Variants in IGF1R observed in about 807,000 individuals in gnomAD.
The protein encoded by IGF1R is insulin like growth factor 1 receptor, also known as insulin-like growth factor 1 receptor.
A neutral mutation model predicts 144.6 loss-of-function variants in IGF1R; 44 were observed. That is an observed-to-expected ratio of 0.30 (90% CI 0.24 to 0.39). The LOEUF (loss-of-function observed/expected upper bound fraction) is 0.39. Among genes scored for constraint, IGF1R ranks in the 10% least tolerant of loss-of-function variants. The pLI, the probability that IGF1R is intolerant of heterozygous loss-of-function variation, is 1.00. For missense variants in IGF1R, 1,355 were observed against 1,833.7 expected, an observed-to-expected ratio of 0.74 and a Z score of 4.77; for synonymous variants, 795 against 722.8, an observed-to-expected ratio of 1.10 and a Z score of -1.60.
At chr15:98,781,393 C>T (rs2055857961) in intron 2 of IGF1R, among the ~76,000 whole-genome samples, 1 of 152,010 alleles carries the variant, frequency 6.6e-6, no homozygotes, top group Non-Finnish European at 1.5e-5. Context: ...AATAAATGTC[C>T]CTCCAAATTA....
chr15:98,842,842 A>T (rs907051312), intron 2 of IGF1R, among the ~76,000 whole-genome samples: 1 of 152,224 alleles, frequency 6.6e-6, no homozygotes, highest in African/African-American at 2.4e-5. Context: ...CAACATGGAA[A>T]TCTAGCCATG....
chr15:98,772,476 A>AATT (rs147636909), intron 2 of IGF1R, among the ~76,000 whole-genome samples: 1,235 of 62,508 alleles, frequency 0.02, 20 homozygotes, highest in African/African-American at 0.047. Context: ...GTCACTTAAA[A>AATT]ATTATTATTA....
chr15:98,758,010 A>G (rs2055197186), intron 2 of IGF1R, among the ~76,000 whole-genome samples: 2 of 152,134 alleles, frequency 1.3e-5, no homozygotes, highest in Non-Finnish European at 2.9e-5. Flanking sequence ...TTCTTCCACC[A>G]GGGTTTGCAT....
At chr15:98,768,181 T>G (rs1048164071) in intron 2 of IGF1R, among the ~76,000 whole-genome samples, 1 of 152,172 alleles carries the variant, frequency 6.6e-6, no homozygotes, top group South Asian at 2.1e-4. Context: ...TTGGATGAGC[T>G]TGTGTGTTCA....
rs2017323776 is a variant in IGF1R, at chr15:98,963,865, C to G, written c.*6423C>G. ...AAAGTTGACTCCACTTCCTCTAACT[C>G]CAGTGGATTGTTGGCCATGTCTCCC... On this transcript the variant is annotated 3_prime_UTR_variant, in exon 21 of 21. Transcript: ENST00000650285. The G allele has an allele frequency of 4.3e-6, 1 of 233,054 alleles. No individual in the cohort carries two copies. The allele number at this position is 233,054 out of a possible 1,614,324, so 14.4% of individuals were successfully genotyped here.
Position 98,891,247 on chromosome 15 carries a change from GA to G in IGF1R, c.641-76del. 1 of 1,382,076 alleles carries G rather than the reference GA, an allele frequency of 7.2e-7. No homozygotes were observed. The highest frequency in any genetic ancestry group is 1.0e-6 in the Non-Finnish European group (1 of 994,824). 85.6% of individuals were successfully genotyped at this position (1,382,076 alleles called of 1,614,324 possible). A position where few individuals can be genotyped will look rare whatever the true frequency, so the allele number is the denominator to read the frequency against. Reference sequence around the variant, plus strand: ...GCTGGTGGTAGCAGTGAATGACCCAGAAGGATGCTGGCCAGGCCCAGAGAAG... The same window carrying G: ...GCTGGTGGTAGCAGTGAATGACCCAGAGGATGCTGGCCAGGCCCAGAGAAG... On this transcript the variant is annotated intron_variant, in intron 2 of 20. Transcript: ENST00000650285. This position sits in a 1 kb window ranked among gnomAD's most constrained non-coding sequence, Gnocchi z 4.7.
intron 2 of IGF1R, among the ~76,000 whole-genome samples, chr15:98,875,366 A>G (rs371556955): frequency 1.7e-5 from 1 of 58,494 alleles, no homozygotes; most frequent in African/African-American, 6.0e-5. Flanking sequence ...TTTTTTTTTT[A>G]GGTGACTTGG....
chr15:98,692,187 A>C (rs1199101800), intron 1 of IGF1R, among the ~76,000 whole-genome samples: 1 of 152,086 alleles, frequency 6.6e-6, no homozygotes. Context: ...AATACAAAAA[A>C]ATTAGCTGGG....
At chr15:98,753,329 G>A (rs981696781) in intron 2 of IGF1R, among the ~76,000 whole-genome samples, 6 of 138,868 alleles carry the variant, frequency 4.3e-5, no homozygotes, top group African/African-American at 1.4e-4. Flanking sequence ...CAATCCTCCC[G>A]CCTGAGCCCC....
chr15:98,657,226 A>G (rs1028495922), intron 1 of IGF1R, among the ~76,000 whole-genome samples: 10 of 152,212 alleles, frequency 6.6e-5, no homozygotes, highest in African/African-American at 2.4e-4. Flanking sequence ...TTAGGGAGAG[A>G]TGAATTTATT....
chr15:98,776,358 G>A (rs957959011), intron 2 of IGF1R, among the ~76,000 whole-genome samples: 15 of 151,976 alleles, frequency 9.9e-5, no homozygotes, highest in African/African-American at 2.4e-4. Context: ...CTAATTTTTT[G>A]TATTGGTAGT....
chr15:98,771,227 C>A (rs776169436), intron 2 of IGF1R, among the ~76,000 whole-genome samples: 1 of 152,152 alleles, frequency 6.6e-6, no homozygotes, highest in Non-Finnish European at 1.5e-5. Context: ...CTAACACATA[C>A]CCCCTGCTGC....
chr15:98,957,332 G>A lies in IGF1R; in HGVS notation c.3994G>A (p.Gly1332Arg), dbSNP rs768543150. 3.8e-5 allele frequency: 62 copies of A among 1,612,212 alleles called. No homozygotes were observed. In the Middle Eastern group the frequency reaches 1.3e-3, roughly 34 times the overall value. The change falls in exon 21 of 21, where the codon GGG becomes AGG. Residue 1332 changes from glycine to arginine, a missense_variant. Around this residue, in one of 7 missense-constraint regions of IGF1R, gnomAD observed 219 missense variants for 188.8 expected, o/e 1.16. Transcript: ENST00000650285. Reference protein sequence around the residue: ...GHKAENGPGPGVLVLRASFDE... With the variant: ...GHKAENGPGPRVLVLRASFDE... The stretch of plus-strand genomic sequence containing the variant: ...CAAGGCCGAGAACGGCCCCGGCCCT[G>A]GGGTGCTGGTCCTCCGCGCCAGCTT...
At chr15:98,768,783 C>T (rs1301542123) in intron 2 of IGF1R, among the ~76,000 whole-genome samples, 2 of 25,966 alleles carry the variant, frequency 7.7e-5, no homozygotes, top group African/African-American at 1.7e-4. Context: ...AAAAAAAAAG[C>T]CGGGCGCGGT....
At chr15:98,708,171 T>A in intron 2 of IGF1R, 64 bp downstream of exon 2, 1 of 1,386,684 alleles carries the variant, frequency 7.2e-7, no homozygotes, top group Non-Finnish European at 1.0e-6. Context: ...CTCCTTGACC[T>A]CCCTTCTCTT....
chr15:98,904,834 C>G (rs966023273), intron 5 of IGF1R, among the ~76,000 whole-genome samples: 2 of 152,228 alleles, frequency 1.3e-5, no homozygotes, highest in African/African-American at 4.8e-5. Flanking sequence ...CTCCATTTAT[C>G]AGGGCACAGG....
chr15:98,852,474 C>T (rs1307387842), intron 2 of IGF1R, among the ~76,000 whole-genome samples: 1 of 152,258 alleles, frequency 6.6e-6, no homozygotes, highest in African/African-American at 2.4e-5. Flanking sequence ...TTCCGCGGGG[C>T]CCGGGCAGCG....
At chr15:98,727,257 C>G (rs956506219) in intron 2 of IGF1R, among the ~76,000 whole-genome samples, 3 of 152,116 alleles carry the variant, frequency 2.0e-5, no homozygotes, top group Non-Finnish European at 2.9e-5. Flanking sequence ...ATAAAAATAA[C>G]AGTCGTACAG....
chr15:98,722,730 C>T (rs1034774993), intron 2 of IGF1R, among the ~76,000 whole-genome samples: 1 of 152,106 alleles, frequency 6.6e-6, no homozygotes, highest in Non-Finnish European at 1.5e-5. Flanking sequence ...GTTTAAAAAG[C>T]CCCCTCTGAG....
Sources: gnomAD v4.1 joint callset for allele counts (sites outside exome capture counted in the v4.1 genomes callset) on GRCh38, gnomAD v4.1.1 for gene constraint, gnomAD v4.1.1 regional missense constraint, Gnocchi (gnomAD v3.1) non-coding constraint, MANE v1.5 for transcripts, NCBI Gene and HGNC (gene_info 2026-07-23, HGNC 2026-07-21) for gene names.